The following NAV2 variants were observed in gnomAD, a reference collection of about 807,000 sequenced individuals.
The protein encoded by NAV2 is helicase, APC down-regulated 1.
A neutral mutation model predicts 223.2 loss-of-function variants in NAV2; 54 were observed. The observed-to-expected ratio is 0.24, with a 90% CI of 0.19 to 0.30. The LOEUF is 0.30. Among genes scored for constraint, NAV2 ranks in the 10% least tolerant of loss-of-function variants. The pLI is 1.00. For missense variants in NAV2, 2,806 were observed against 3,147.5 expected, an observed-to-expected ratio of 0.89 and a Z score of 2.60; for synonymous variants, 1,279 against 1,239.3, an observed-to-expected ratio of 1.03 and a Z score of -0.67.
rs1309993298 is a variant in NAV2 at position 20,045,447 on chromosome 11, G to T, written c.3679G>T (p.Val1227Leu). The T allele has an allele frequency of 1.9e-6, 3 of 1,614,202 alleles. No individual in the cohort carries two copies. The African/African-American group carries it at 4.0e-5, about 22-fold the overall frequency. The change falls in exon 14 of 38, where the codon GTG becomes TTG. Residue 1227 changes from valine to leucine, a missense_variant. Val to Leu is a conservative substitution (Grantham distance 32, BLOSUM62 1). Transcript: ENST00000349880. ...TAGCAGCAAGTCCGCAGGCCTGCCA[G>T]TGCCCAAACTGAGGGAGCCTTCCAA... ...NISSKSAGLP[V>L]PKLREPSKTA...
chr11:19,642,234 C>A (rs1431196834), intron 1 of NAV2, among the ~76,000 whole-genome samples: 2 of 152,198 alleles, frequency 1.3e-5, no homozygotes, highest in African/African-American at 4.8e-5. Flanking sequence ...CAGCCCCACC[C>A]AGGCACAAGC....
At chr11:19,632,753 A>T (rs1195062218) in intron 1 of NAV2, among the ~76,000 whole-genome samples, 1 of 152,220 alleles carries the variant, frequency 6.6e-6, no homozygotes, top group Non-Finnish European at 1.5e-5. Flanking sequence ...GAAACCACGG[A>T]TGTTATAAAA....
intron 6 of NAV2, among the ~76,000 whole-genome samples, chr11:19,908,954 C>G (rs1293523236): frequency 6.6e-6 from 1 of 152,088 alleles, no homozygotes; most frequent in Non-Finnish European, 1.5e-5. Context: ...GGTTGGAGAA[C>G]TTCATGAGTA....
At chr11:19,371,439 G>A (rs1389299006) in intron 1 of NAV2, among the ~76,000 whole-genome samples, 2 of 152,092 alleles carry the variant, frequency 1.3e-5, no homozygotes, top group Non-Finnish European at 2.9e-5. Context: ...CAACTTGCCC[G>A]AGACCCTTCA....
At chr11:19,938,904 T>C (rs1673091855) in intron 7 of NAV2, among the ~76,000 whole-genome samples, 1 of 152,238 alleles carries the variant, frequency 6.6e-6, no homozygotes, top group African/African-American at 2.4e-5. Flanking sequence ...GTTGAATTAG[T>C]TCAGCATGCC....
chr11:19,868,435 G>A (rs1295330534), intron 3 of NAV2, among the ~76,000 whole-genome samples: 1 of 152,148 alleles, frequency 6.6e-6, no homozygotes, highest in Non-Finnish European at 1.5e-5. Context: ...GGAGGTCACA[G>A]CCCTCCCCAG....
intron 5 of NAV2, among the ~76,000 whole-genome samples, chr11:19,891,754 A>G (rs2041513223): frequency 6.6e-6 from 1 of 152,102 alleles, no homozygotes; most frequent in Non-Finnish European, 1.5e-5. Context: ...CACCACTATA[A>G]ATTGTCCTTT....
chr11:20,004,040 G>A lies in NAV2; in HGVS notation c.2768+19793G>A, dbSNP rs77219568. Among the ~76,000 whole-genome samples, 308 of 152,250 alleles carry A rather than the reference G, an allele frequency of 2.0e-3. 2 individuals are homozygous for A. The highest frequency in any genetic ancestry group is 7.0e-3 in the African/African-American group (289 of 41,554). ...AATTGCATCCAGTCTGCATAAGCCC[G>A]TTCTCTTAACTTGCTGGTGAACTCC... On this transcript the variant is annotated intron_variant, in intron 11 of 37. Coordinates refer to ENST00000349880, the MANE Select transcript of NAV2 (RefSeq NM_145117.5).
At chr11:19,966,028 G>A (rs974029757) in intron 10 of NAV2, among the ~76,000 whole-genome samples, 4 of 152,210 alleles carry the variant, frequency 2.6e-5, no homozygotes, top group African/African-American at 9.6e-5. Context: ...TTCTTACATG[G>A]AGCTCAGGGC....
In NAV2 at chr11:20,027,302, GGC is replaced by G. The variant is rs1491142992; in HGVS notation, c.2769-8656_2769-8655del. 42 of 979,514 alleles carry G rather than the reference GGC, an allele frequency of 4.3e-5. 2 individuals are homozygous for G. In the Admixed American group the frequency reaches 2.5e-3, roughly 59 times the overall value. 60.7% of individuals were successfully genotyped at this position (979,514 alleles called of 1,614,324 possible). ...ACACCAAAGGATCTCGTTCCGCTCG[GGC>G]CCCGGGGTTTCACGGGAACAATTGC... On this transcript the variant is annotated intron_variant, in intron 11 of 37. Coordinates refer to ENST00000349880, the MANE Select transcript of NAV2 (RefSeq NM_145117.5).
At chr11:19,862,372 C>T (rs752443275) in intron 3 of NAV2, among the ~76,000 whole-genome samples, 17 of 152,130 alleles carry the variant, frequency 1.1e-4, no homozygotes, top group Non-Finnish European at 2.1e-4. Flanking sequence ...GTGTCCAGCC[C>T]GTGATTCCCA....
intron 1 of NAV2, among the ~76,000 whole-genome samples, chr11:19,753,994 TA>T (rs1290100677): frequency 6.6e-6 from 1 of 152,230 alleles, no homozygotes; most frequent in Non-Finnish European, 1.5e-5. Flanking sequence ...GAAACCACGT[TA>T]CCAGCATAGC....
intron 3 of NAV2, among the ~76,000 whole-genome samples, chr11:19,866,048 C>T (rs537189156): frequency 6.6e-6 from 1 of 152,380 alleles, no homozygotes; most frequent in South Asian, 2.1e-4. Context: ...TTCCTTACCT[C>T]ACTTTCTGTA....
At chr11:19,494,563 C>A (rs1251426245) in intron 1 of NAV2, among the ~76,000 whole-genome samples, 1 of 152,180 alleles carries the variant, frequency 6.6e-6, no homozygotes, top group Non-Finnish European at 1.5e-5. Context: ...GGGGTGAAAC[C>A]TATATGTGTG....
intron 10 of NAV2, among the ~76,000 whole-genome samples, chr11:19,953,895 A>G (rs2153382888): frequency 6.6e-6 from 1 of 151,770 alleles, no homozygotes; most frequent in Non-Finnish European, 1.5e-5. Flanking sequence ...TTCTCCACTA[A>G]ACTTGGAGTT....
At chr11:19,590,513 C>T (rs2135135829) in intron 1 of NAV2, among the ~76,000 whole-genome samples, 1 of 152,292 alleles carries the variant, frequency 6.6e-6, no homozygotes, top group Non-Finnish European at 1.5e-5. Flanking sequence ...CCCAGAGGAT[C>T]TCTGAGGTCC....
chr11:19,804,369 C>G (rs1487825320), intron 1 of NAV2, among the ~76,000 whole-genome samples: 1 of 152,160 alleles, frequency 6.6e-6, no homozygotes, highest in Non-Finnish European at 1.5e-5. Flanking sequence ...CCAAGTCTTG[C>G]AAGGTATCTA....
At chr11:19,608,950 C>T (rs2046555861) in intron 1 of NAV2, among the ~76,000 whole-genome samples, 1 of 152,204 alleles carries the variant, frequency 6.6e-6, no homozygotes, top group East Asian at 1.9e-4. Flanking sequence ...TCACTGTGAC[C>T]TCTGCTTTCA....
intron 10 of NAV2, among the ~76,000 whole-genome samples, chr11:19,982,318 A>G (rs186180194): frequency 2.0e-3 from 311 of 151,930 alleles, no homozygotes; most frequent in African/African-American, 7.0e-3. Context: ...CCCAGGCTGG[A>G]GAGCAGTGGC....
Sources: allele counts gnomAD v4.1 joint callset (sites outside exome capture counted in the v4.1 genomes callset), GRCh38; gene constraint gnomAD v4.1.1; transcripts MANE v1.5; gene names NCBI Gene and HGNC (gene_info 2026-07-23, HGNC 2026-07-21).